Variants in DCLK2 observed in about 807,000 individuals in gnomAD.
DCLK2 encodes the protein serine/threonine-protein kinase DCLK2.
A neutral mutation model predicts 78.4 loss-of-function variants in DCLK2; 31 were observed. The ratio of observed to expected loss-of-function variants is 0.40; its 90% CI spans 0.30 to 0.53. The LOEUF is 0.53. Ranked by LOEUF, DCLK2 falls within the 20% of genes least tolerant of loss-of-function variation. The pLI is 0.61. For synonymous variants in DCLK2, 407 were observed against 374.9 expected (o/e 1.09, Z -0.99); for missense variants, 872 against 973.7 (o/e 0.90, Z 1.39).
At position 150,199,810 on chromosome 4, in the gene DCLK2, T is replaced by C. The variant is rs1739328589; in HGVS notation, c.961+1707T>C. On this transcript the variant is annotated intron_variant, in intron 4 of 15. Transcript: ENST00000296550. ...GGTTAATCAAAGAGTAGATGTAGTT[T>C]TGGTGATAGCTTTACAGATGCTTAT... 2.6e-5 allele frequency among the ~76,000 whole-genome samples: 4 copies of C among 152,164 alleles called. No individual in the cohort carries two copies. In the South Asian group the frequency reaches 8.3e-4, roughly 32 times the overall value.
rs557020296 is a variant in DCLK2 at position 150,178,487 on chromosome 4, CG to C, written c.757-14650del. On this transcript the variant is annotated intron_variant, in intron 2 of 15. Transcript: ENST00000296550. Reference sequence around the variant, plus strand: ...AGCTTATTCAGAGGATTTCTTCGACCGTAGATGTGAGAACTTCATCTACTAA... The same window carrying C: ...AGCTTATTCAGAGGATTTCTTCGACCTAGATGTGAGAACTTCATCTACTAA... 8.6e-4 allele frequency among the ~76,000 whole-genome samples: 131 copies of C among 151,646 alleles called. 1 individual carries two copies. The highest frequency in any genetic ancestry group is 6.8e-3 in the Middle Eastern group (2 of 292).
At chr4:150,206,775 C>T (rs946066052) in intron 5 of DCLK2, among the ~76,000 whole-genome samples, 8 of 152,228 alleles carry the variant, frequency 5.3e-5, no homozygotes, top group Non-Finnish European at 1.0e-4. Context: ...CCAAAGCTCT[C>T]TAACTACTAC....
chr4:150,167,195 G>A (rs1007816772), intron 2 of DCLK2, among the ~76,000 whole-genome samples: 8 of 152,204 alleles, frequency 5.3e-5, no homozygotes, highest in African/African-American at 1.9e-4. Context: ...GGAAGGAGGA[G>A]AGAGAAAAGC....
At chr4:150,219,897 G>A (rs372298196) in intron 5 of DCLK2, among the ~76,000 whole-genome samples, 3 of 152,204 alleles carry the variant, frequency 2.0e-5, no homozygotes, top group African/African-American at 7.2e-5. Flanking sequence ...GAAGATTTTG[G>A]AGTTATTATG....
intron 3 of DCLK2, among the ~76,000 whole-genome samples, chr4:150,196,902 C>T (rs576070478): frequency 2.0e-5 from 3 of 151,948 alleles, no homozygotes; most frequent in Non-Finnish European, 4.4e-5. Flanking sequence ...GCCTGTAATC[C>T]CATCATTTTG....
Position 150,256,442 on chromosome 4 carries a change from G to C in DCLK2, c.*195G>C. ...CTGGTGCTCTGGGCTCTGCCTTCTG[G>C]TTCCTGGAGGCATCAAAGGCTGCAT... On this transcript the variant is annotated 3_prime_UTR_variant, in exon 16 of 16. Transcript: ENST00000296550. The C allele has an allele frequency of 1.5e-6, 1 of 660,860 alleles. No homozygotes were observed. The highest frequency in any genetic ancestry group is 3.0e-5 in the East Asian group (1 of 33,346). The allele number at this position is 660,860 out of a possible 1,614,324, so 40.9% of individuals were successfully genotyped here.
chr4:150,103,700 G>A (rs1166397134), intron 2 of DCLK2, among the ~76,000 whole-genome samples: 2 of 152,150 alleles, frequency 1.3e-5, no homozygotes, highest in East Asian at 3.9e-4. Flanking sequence ...AAAACATTGA[G>A]CAGTGTCTTT....
chr4:150,186,239 C>T (rs1156548132), intron 2 of DCLK2, among the ~76,000 whole-genome samples: 6 of 150,712 alleles, frequency 4.0e-5, no homozygotes, highest in Admixed American at 3.3e-4. Context: ...TTTTTTTTTC[C>T]TCAGACGGAT....
At chr4:150,082,675 T>G (rs1729389148) in intron 1 of DCLK2, among the ~76,000 whole-genome samples, 1 of 152,210 alleles carries the variant, frequency 6.6e-6, no homozygotes, top group African/African-American at 2.4e-5. Context: ...TGGCTCTTAA[T>G]CAATATTGGA....
At chr4:150,107,284 A>C (rs1731325857) in intron 2 of DCLK2, among the ~76,000 whole-genome samples, 1 of 152,074 alleles carries the variant, frequency 6.6e-6, no homozygotes, top group Admixed American at 6.6e-5. Context: ...AATTTCTAGA[A>C]GTCCTGATAG....
chr4:150,233,177 C>A (rs990043444), intron 10 of DCLK2, among the ~76,000 whole-genome samples: 13 of 152,288 alleles, frequency 8.5e-5, no homozygotes, highest in Admixed American at 8.5e-4. Context: ...GAAGCAAGCA[C>A]CTTCTTCACA....
At chr4:150,235,469 C>T (rs1225712489) in intron 10 of DCLK2, among the ~76,000 whole-genome samples, 1 of 152,120 alleles carries the variant, frequency 6.6e-6, no homozygotes, top group African/African-American at 2.4e-5. Flanking sequence ...TTGAGTCTCA[C>T]CTGTCCTAGA....
At chr4:150,208,402 TTTTG>T (rs1167758449) in intron 5 of DCLK2, among the ~76,000 whole-genome samples, 23 of 4,844 alleles carry the variant, frequency 4.7e-3, no homozygotes, top group Non-Finnish European at 9.6e-3. Context: ...TTTTTTTTGT[TTTTG>T]TTTTGTTTTG....
intron 11 of DCLK2, 59 bp from the exon 12 acceptor site, chr4:150,240,340 C>T (rs1435225110): frequency 2.8e-6 from 4 of 1,442,388 alleles, no homozygotes; most frequent in Non-Finnish European, 3.9e-6. Context: ...TACTCCAGTA[C>T]CATGGAAGGG....
chr4:150,126,662 G>T (rs1226976810), intron 2 of DCLK2, among the ~76,000 whole-genome samples: 1 of 152,094 alleles, frequency 6.6e-6, no homozygotes, highest in Non-Finnish European at 1.5e-5. Context: ...TACAAAAATT[G>T]CACAAATTGT....
chr4:150,180,719 T>C (rs571133604), intron 2 of DCLK2, among the ~76,000 whole-genome samples: 1 of 152,276 alleles, frequency 6.6e-6, no homozygotes, highest in Admixed American at 6.5e-5. Context: ...CCCTCTGGTC[T>C]CTTACCCCTC....
At chr4:150,159,032 A>G (rs1484269878) in intron 2 of DCLK2, among the ~76,000 whole-genome samples, 1 of 152,186 alleles carries the variant, frequency 6.6e-6, no homozygotes, top group Non-Finnish European at 1.5e-5. Flanking sequence ...CAGTTTCTGA[A>G]GGATGTTGAA....
Position 150,078,981 on chromosome 4 carries a change from T to C in DCLK2, c.-47T>C. ...GTCCCTGCACCGGCGCTCGCACCCT[T>C]AGTCGGCCCGGAACGTCTTTTTGCG... On this transcript the variant is annotated 5_prime_UTR_variant, in exon 1 of 16. Transcript: ENST00000296550. 1 of 1,496,654 alleles carries C rather than the reference T, an allele frequency of 6.7e-7. No homozygotes were observed. Among genetic ancestry groups the C allele is most frequent in the South Asian group, 1.4e-5 (1 of 72,166 alleles). The allele number at this position is 1,496,654 out of a possible 1,614,324, so 92.7% of individuals were successfully genotyped here. A position where few individuals can be genotyped will look rare whatever the true frequency, so the allele number is the denominator to read the frequency against.
Position 150,102,779 on chromosome 4 carries a change from C to T in DCLK2, c.723C>T (p.Val241=), listed in dbSNP as rs774083374. 15 of 1,612,862 alleles carry T rather than the reference C, an allele frequency of 9.3e-6. No homozygotes were observed. The highest frequency in any genetic ancestry group is 6.7e-5 in the East Asian group (3 of 44,886). ...AAGCCATTAAACTAGACTCAGGAGT[C>T]GTCAAGAGGCTCTGCACCCTGGATG... The part of the protein sequence containing the change: ...ITEAIKLDSG[V]VKRLCTLDGK... Residue 241 remains valine (V), a synonymous_variant, in exon 2 of 16, where the codon GTC becomes GTT. Transcript: ENST00000296550.
Sources: gnomAD v4.1 joint callset for allele counts (sites outside exome capture counted in the v4.1 genomes callset) on GRCh38, gnomAD v4.1.1 for gene constraint, MANE v1.5 for transcripts, NCBI Gene and HGNC (gene_info 2026-07-23, HGNC 2026-07-21) for gene names.